Variants in NAALADL2 observed in about 807,000 individuals in gnomAD.
The protein encoded by NAALADL2 is N-acetylated alpha-linked acidic dipeptidase like 2.
NAALADL2 carries 76 observed loss-of-function variants against 87.2 expected under a neutral mutation model. The observed-to-expected ratio is 0.87, with a 90% CI of 0.72 to 1.05. The LOEUF (loss-of-function observed/expected upper bound fraction) is 1.05, where lower values mean the gene tolerates loss of function less well. Ranked by LOEUF, NAALADL2 falls within the 50% of genes least tolerant of loss-of-function variation. The pLI is 0.00. For missense variants in NAALADL2, 1,089 were observed against 945.8 expected (o/e 1.15, Z -1.99); for synonymous variants, 354 against 331.0 (o/e 1.07, Z -0.75).
chr3:175,120,731 ATTGTT>A lies in NAALADL2; in HGVS notation c.545+23443_545+23447del, dbSNP rs1313603602. 2.0e-5 allele frequency among the ~76,000 whole-genome samples: 3 copies of A among 151,794 alleles called. No individual in the cohort carries two copies. In the East Asian group the frequency reaches 5.8e-4, roughly 29 times the overall value. ...TAGCTATTTTCAACACCTGTGCTGT[ATTGTT>A]TTATTATTGACCCTTTTTGTTCTTT... is the stretch of plus-strand genomic sequence containing the variant. On this transcript the variant is annotated intron_variant, in intron 2 of 13. Transcript: ENST00000454872.
At chr3:175,715,555 G>A (rs1022303072) in intron 11 of NAALADL2, among the ~76,000 whole-genome samples, 10 of 152,102 alleles carry the variant, frequency 6.6e-5, no homozygotes, top group African/African-American at 2.4e-4. Context: ...ATGTTAGGAC[G>A]TCAAAAATTA....
chr3:174,627,893 G>A (rs1005185956), intron 2 of NAALADL2, among the ~76,000 whole-genome samples: 2 of 152,192 alleles, frequency 1.3e-5, no homozygotes, highest in Non-Finnish European at 2.9e-5. Context: ...CAATGGGTAT[G>A]TACAGCCACA....
chr3:174,960,023 T>C (rs975252391), intron 1 of NAALADL2, among the ~76,000 whole-genome samples: 18 of 152,036 alleles, frequency 1.2e-4, no homozygotes, highest in African/African-American at 4.3e-4. Flanking sequence ...GCAGATATGA[T>C]GATGGGAGTC....
intron 11 of NAALADL2, among the ~76,000 whole-genome samples, chr3:175,684,809 A>T (rs1233365202): frequency 1.3e-5 from 2 of 152,194 alleles, no homozygotes; most frequent in Non-Finnish European, 2.9e-5. Flanking sequence ...TCTCAAAAAA[A>T]AATTATGTTT....
At chr3:175,051,260 T>C (rs1413928892) in intron 1 of NAALADL2, among the ~76,000 whole-genome samples, 1 of 152,204 alleles carries the variant, frequency 6.6e-6, no homozygotes, top group Non-Finnish European at 1.5e-5. Flanking sequence ...TATTGCTGCA[T>C]AACAAATGAA....
intron 11 of NAALADL2, among the ~76,000 whole-genome samples, chr3:175,661,836 G>A (rs1276924891): frequency 2.0e-5 from 3 of 151,922 alleles, no homozygotes; most frequent in African/African-American, 7.2e-5. Flanking sequence ...TCTCTATGCT[G>A]TTCCATTGGT....
intron 1 of NAALADL2, among the ~76,000 whole-genome samples, chr3:174,529,385 T>C (rs2108436448): frequency 6.6e-6 from 1 of 152,306 alleles, no homozygotes; most frequent in East Asian, 1.9e-4. Context: ...CCTGCTGCTT[T>C]CATGGACTTG....
At chr3:175,215,102 A>G (rs1049477773) in intron 2 of NAALADL2, among the ~76,000 whole-genome samples, 2 of 152,136 alleles carry the variant, frequency 1.3e-5, no homozygotes, top group Non-Finnish European at 2.9e-5. Context: ...AATCACCATA[A>G]CAACTTCTGA....
At chr3:175,791,145 T>C (rs1287065532) in intron 13 of NAALADL2, among the ~76,000 whole-genome samples, 1 of 152,218 alleles carries the variant, frequency 6.6e-6, no homozygotes, top group Non-Finnish European at 1.5e-5. Flanking sequence ...TACTTGCTAA[T>C]ATTTAATATG....
At chr3:174,961,648 C>T (rs1353346363) in intron 1 of NAALADL2, among the ~76,000 whole-genome samples, 4 of 151,954 alleles carry the variant, frequency 2.6e-5, no homozygotes, top group Admixed American at 6.6e-5. Flanking sequence ...GCTCAAGTCT[C>T]ATAATTAGCG....
intron 10 of NAALADL2, among the ~76,000 whole-genome samples, chr3:175,591,018 A>G (rs948961475): frequency 9.4e-5 from 5 of 53,154 alleles, no homozygotes; most frequent in Non-Finnish European, 4.3e-4. Flanking sequence ...TTACTACACT[A>G]TGATTAACCT....
chr3:174,950,029 T>A (rs1446059886), intron 1 of NAALADL2, among the ~76,000 whole-genome samples: 1 of 152,136 alleles, frequency 6.6e-6, no homozygotes, highest in Admixed American at 6.6e-5. Context: ...CCTGGTCAGT[T>A]TTTTATGACC....
chr3:174,961,945 C>T (rs917182198), intron 1 of NAALADL2, among the ~76,000 whole-genome samples: 3 of 151,900 alleles, frequency 2.0e-5, no homozygotes, highest in Non-Finnish European at 4.4e-5. Flanking sequence ...TCCCCTGCAA[C>T]ACTGTAGCAG....
chr3:174,994,076 A>G (rs979037117), intron 1 of NAALADL2, among the ~76,000 whole-genome samples: 1 of 152,174 alleles, frequency 6.6e-6, no homozygotes, highest in African/African-American at 2.4e-5. Context: ...CCCTATTTCC[A>G]AATTCGATCA....
intron 3 of NAALADL2, among the ~76,000 whole-genome samples, chr3:175,251,211 C>A (rs1046606250): frequency 6.6e-6 from 1 of 152,092 alleles, no homozygotes; most frequent in Non-Finnish European, 1.5e-5. Flanking sequence ...TGTCGTCATC[C>A]CAAAACTTTG....
chr3:174,920,450 C>T (rs1373880410), intron 1 of NAALADL2, among the ~76,000 whole-genome samples: 1 of 152,134 alleles, frequency 6.6e-6, no homozygotes, highest in East Asian at 1.9e-4. Flanking sequence ...ATGAGCTAAC[C>T]TCTACTAGCT....
At chr3:175,635,987 GT>G (rs1373478110) in intron 11 of NAALADL2, among the ~76,000 whole-genome samples, 1 of 152,116 alleles carries the variant, frequency 6.6e-6, no homozygotes, top group African/African-American at 2.4e-5. Flanking sequence ...ATCTGGGAAA[GT>G]TTTGGACCCT....
chr3:174,976,903 C>T (rs1473983742), intron 1 of NAALADL2, among the ~76,000 whole-genome samples: 2 of 152,160 alleles, frequency 1.3e-5, no homozygotes, highest in Non-Finnish European at 2.9e-5. Flanking sequence ...GGGCCCATTA[C>T]ATATTGCTTC....
chr3:175,027,500 GACCTATGTGACCAGATTATTTA>G (rs1178729372), intron 1 of NAALADL2, among the ~76,000 whole-genome samples: 1 of 151,940 alleles, frequency 6.6e-6, no homozygotes, highest in African/African-American at 2.4e-5. Flanking sequence ...CAATTAAAAA[GACCTATGTGACCAGATTATTTA>G]AATTACAAAA....
Sources: allele counts gnomAD v4.1 joint callset (sites outside exome capture counted in the v4.1 genomes callset), GRCh38; gene constraint gnomAD v4.1.1; transcripts MANE v1.5; gene names NCBI Gene and HGNC (gene_info 2026-07-23, HGNC 2026-07-21).